ZNF713: variants seen among roughly 807,000 people sequenced by gnomAD.
ZNF713 encodes the protein zinc finger protein 713.
ZNF713 carries 21 observed loss-of-function variants against 28.7 expected under a neutral mutation model. The observed-to-expected ratio is 0.73, with a 90% CI of 0.52 to 1.05. The LOEUF (loss-of-function observed/expected upper bound fraction) is 1.05. ZNF713 is among the 50% of genes least tolerant of loss of function. The pLI, the probability that ZNF713 is intolerant of heterozygous loss-of-function variation, is 0.00. For synonymous variants in ZNF713, 167 were observed against 178.0 expected, an observed-to-expected ratio of 0.94 and a Z score of 0.49; for missense variants, 458 against 532.4, an observed-to-expected ratio of 0.86 and a Z score of 1.37.
At chr7:55,927,890 C>A in intron 6 of ZNF713, among the ~76,000 whole-genome samples, 1 of 10,714 alleles carries the variant, frequency 9.3e-5, no homozygotes, top group Non-Finnish European at 1.4e-4. Context: ...GAGCAAGACT[C>A]TGTCTCAAAA....
chr7:55,913,496 C>T (rs574619965), intron 4 of ZNF713, among the ~76,000 whole-genome samples: 6 of 152,200 alleles, frequency 3.9e-5, no homozygotes, highest in African/African-American at 1.4e-4. Context: ...CCACCACGCC[C>T]GGCCTAAGTC....
At chr7:55,905,580 GA>G (rs1785663153) in intron 1 of ZNF713, among the ~76,000 whole-genome samples, 1 of 151,938 alleles carries the variant, frequency 6.6e-6, no homozygotes, top group Non-Finnish European at 1.5e-5. Context: ...GTACTGAAAA[GA>G]AAAATGGATC....
chr7:55,887,538 G>C lies in ZNF713; in HGVS notation c.-725G>C, dbSNP rs559529782. 560 of 169,828 alleles carry C rather than the reference G, an allele frequency of 3.3e-3. 5 individuals carry two copies. The highest frequency in any genetic ancestry group is 0.013 in the African/African-American group (533 of 41,700). 10.5% of individuals were successfully genotyped at this position (169,828 alleles called of 1,614,324 possible). Reference sequence around the variant, plus strand: ...TGGCTGGACCGGCCCCAGGAGCCCAGTCACCGGGCGTCATTGGCTCAGGCT... The same window carrying C: ...TGGCTGGACCGGCCCCAGGAGCCCACTCACCGGGCGTCATTGGCTCAGGCT... On this transcript the variant is annotated 5_prime_UTR_variant, in exon 1 of 7. Transcript: ENST00000429591.
In ZNF713 at chr7:55,887,619, G is replaced by GCGGCGGCGGCGGCGGCGT. The variant is rs1785270198; in HGVS notation, c.-627_-626insTCGGCGGCGGCGGCGGCG. The GCGGCGGCGGCGGCGGCGT allele has an allele frequency of 1.1e-5, 2 of 177,116 alleles. 1 individual carries two copies. The highest frequency in any genetic ancestry group is 1.4e-4 in the Admixed American group (2 of 13,970). The allele number at this position is 177,116 out of a possible 1,614,324, so 11.0% of individuals were successfully genotyped here. A position where few individuals can be genotyped will look rare whatever the true frequency, so the allele number is the denominator to read the frequency against. The stretch of plus-strand genomic sequence containing the variant: ...GTCCACCGCGGCGGCGGCGGCGGCG[G>GCGGCGGCGGCGGCGGCGT]CGGCGGCGGCGGCGGCGGCGTCAGG... On this transcript the variant is annotated 5_prime_UTR_variant, in exon 1 of 7. Coordinates refer to ENST00000429591, the MANE Select transcript of ZNF713 (RefSeq NM_182633.3).
At chr7:55,932,118 A>G (rs927067492) in intron 6 of ZNF713, among the ~76,000 whole-genome samples, 2 of 152,236 alleles carry the variant, frequency 1.3e-5, no homozygotes, top group Non-Finnish European at 2.9e-5. Flanking sequence ...CTGTAATCAC[A>G]TATACTTTTA....
At chr7:55,933,485 T>C (rs1786283745) in intron 6 of ZNF713, among the ~76,000 whole-genome samples, 1 of 151,732 alleles carries the variant, frequency 6.6e-6, no homozygotes, top group Non-Finnish European at 1.5e-5. Flanking sequence ...TTAGTAGAGA[T>C]GGGGTTTCAC....
chr7:55,899,527 G>T (rs1785536000), intron 1 of ZNF713, among the ~76,000 whole-genome samples: 1 of 150,086 alleles, frequency 6.7e-6, no homozygotes, highest in Non-Finnish European at 1.5e-5. Flanking sequence ...AAAAAAATTT[G>T]CCGGGTGTGG....
chr7:55,937,097 G>A (rs1786367940), intron 6 of ZNF713, among the ~76,000 whole-genome samples: 1 of 151,996 alleles, frequency 6.6e-6, no homozygotes, highest in East Asian at 1.9e-4. Flanking sequence ...TTGGGAATTC[G>A]AGACCAGCCT....
chr7:55,908,597 G>T (rs111467064), intron 2 of ZNF713, among the ~76,000 whole-genome samples: 5,430 of 146,580 alleles, frequency 0.037, 327 homozygotes, highest in African/African-American at 0.13. Flanking sequence ...TTTTTGATGG[G>T]TTTTTTTTTT....
chr7:55,904,127 A>G lies in ZNF713; in HGVS notation c.-582-2126A>G, dbSNP rs1321176069. Among the ~76,000 whole-genome samples, 9 of 92,358 alleles carry G rather than the reference A, an allele frequency of 9.7e-5. 2 individuals are homozygous for G. Among genetic ancestry groups the G allele is most frequent in the African/African-American group, 3.5e-4 (9 of 25,368 alleles). The allele number at this position is 92,358 out of a possible 152,430, so 60.6% of individuals were successfully genotyped here. On this transcript the variant is annotated intron_variant, in intron 1 of 6. Transcript: ENST00000429591. ...AGAGAGACGGTGGAAGTAAAGCAAG[A>G]GTCACCAGTCACCAGTCACCCGTAT...
Position 55,939,816 on chromosome 7 carries a change from A to G in ZNF713, c.1142A>G (p.Gln381Arg). 2 of 1,614,230 alleles carry G rather than the reference A, an allele frequency of 1.2e-6. No individual in the cohort carries two copies. The highest frequency in any genetic ancestry group is 1.7e-6 in the Non-Finnish European group (2 of 1,180,046). ...GGTTTCTGTGGCAAAGCCTTCAGTC[A>G]GAGGACACATCTGAATCAACATGAA... ...ECGFCGKAFSQRTHLNQHERT... is the reference protein window; with the variant it reads ...ECGFCGKAFSRRTHLNQHERT... The change falls in exon 7 of 7, where the codon CAG (glutamine) becomes CGG (arginine). Residue 381 changes from glutamine (Q) to arginine (R), a missense_variant. Coordinates refer to ENST00000429591, the MANE Select transcript of ZNF713 (RefSeq NM_182633.3).
intron 4 of ZNF713, among the ~76,000 whole-genome samples, chr7:55,919,230 A>G (rs562485951): frequency 1.8e-4 from 28 of 152,300 alleles, no homozygotes; most frequent in African/African-American, 6.3e-4. Flanking sequence ...AGCAAATGAT[A>G]ACCAAATTCA....
At chr7:55,901,964 G>A (rs1198252208) in intron 1 of ZNF713, among the ~76,000 whole-genome samples, 1 of 152,232 alleles carries the variant, frequency 6.6e-6, no homozygotes, top group Non-Finnish European at 1.5e-5. Context: ...GGCCAAGGCA[G>A]GCAGATCACC....
At chr7:55,928,843 G>A (rs149300499) in intron 6 of ZNF713, among the ~76,000 whole-genome samples, 2 of 152,124 alleles carry the variant, frequency 1.3e-5, no homozygotes, top group African/African-American at 4.8e-5. Context: ...CATAAAAAGT[G>A]CCTGCAGGCC....
chr7:55,913,195 C>CTTTTTTTTTTTT (rs66851959), intron 4 of ZNF713, among the ~76,000 whole-genome samples: 1 of 88,140 alleles, frequency 1.1e-5, no homozygotes, highest in Non-Finnish European at 2.0e-5. Context: ...GTTTTGATTC[C>CTTTTTTTTTTTT]TTTTTTTTTT....
chr7:55,899,521 A>G (rs1043593474), intron 1 of ZNF713, among the ~76,000 whole-genome samples: 4 of 150,682 alleles, frequency 2.7e-5, no homozygotes, highest in African/African-American at 9.8e-5. Context: ...AAATACAAAA[A>G]AATTTGCCGG....
chr7:55,909,537 C>T (rs906757753), intron 2 of ZNF713, among the ~76,000 whole-genome samples: 5 of 151,964 alleles, frequency 3.3e-5, no homozygotes, highest in African/African-American at 9.7e-5. Context: ...TTTTGGTTCC[C>T]TAGGAATTTT....
chr7:55,923,422 G>T (rs1786031691), intron 5 of ZNF713, 134 bp downstream of exon 5: 1 of 1,297,206 alleles, frequency 7.7e-7, no homozygotes, highest in Non-Finnish European at 1.1e-6. Flanking sequence ...TGGAGTCAAA[G>T]ACCTTTGTTT....
chr7:55,933,098 G>A lies in ZNF713; in HGVS notation c.308-5884G>A, dbSNP rs143605025. Among the ~76,000 whole-genome samples, 906 of 151,006 alleles carry A rather than the reference G, an allele frequency of 6.0e-3. 6 individuals are homozygous for A. The highest frequency in any genetic ancestry group is 9.8e-3 in the Non-Finnish European group (661 of 67,790). ...TAAAAATACAAAAAATTAGCTGGGC[G>A]TGGTGGCAGGCGCCTGTGATCCCAG... On this transcript the variant is annotated intron_variant, in intron 6 of 6. Transcript: ENST00000429591.
Sources: allele counts gnomAD v4.1 joint callset (sites outside exome capture counted in the v4.1 genomes callset), GRCh38; gene constraint gnomAD v4.1.1; transcripts MANE v1.5; gene names NCBI Gene and HGNC (gene_info 2026-07-23, HGNC 2026-07-21).